EHBP1: variants seen among roughly 807,000 people sequenced by gnomAD.
The protein encoded by EHBP1 is EH domain binding protein 1.
A neutral mutation model predicts 144.0 loss-of-function variants in EHBP1; 55 were observed. That is an observed-to-expected ratio of 0.38 (90% confidence interval 0.31 to 0.48). The LOEUF is 0.48. Ranked by LOEUF, EHBP1 falls within the 20% of genes least tolerant of loss-of-function variation. EHBP1 has a pLI of 0.98. For synonymous variants in EHBP1, 469 were observed against 472.7 expected (o/e 0.99, Z 0.10); for missense variants, 1,200 against 1,364.2 (o/e 0.88, Z 1.90).
chr2:62,709,319 G>A (rs35499742), intron 2 of EHBP1, among the ~76,000 whole-genome samples: 20,152 of 152,036 alleles, frequency 0.13, 1,682 homozygotes, highest in Middle Eastern at 0.24. Context: ...AAGCTTTTGT[G>A]TTGGAAATTT....
intron 16 of EHBP1, among the ~76,000 whole-genome samples, chr2:62,992,908 T>C (rs2059469730): frequency 6.6e-6 from 1 of 152,214 alleles, no homozygotes; most frequent in Non-Finnish European, 1.5e-5. Flanking sequence ...ATGAAATATT[T>C]GTTTGGTACA....
At chr2:62,833,470 T>C (rs2046971087) in intron 7 of EHBP1, among the ~76,000 whole-genome samples, 1 of 152,204 alleles carries the variant, frequency 6.6e-6, no homozygotes, top group South Asian at 2.1e-4. Flanking sequence ...ACACCTGGCT[T>C]CAGAGCCTCT....
At chr2:62,739,092 T>A (rs1343237003) in intron 2 of EHBP1, among the ~76,000 whole-genome samples, 4 of 152,238 alleles carry the variant, frequency 2.6e-5, no homozygotes, top group Admixed American at 2.6e-4. Context: ...TCTTAACTAT[T>A]CGTTACATTG....
chr2:62,686,896 CCAA>C (rs1333526069), intron 1 of EHBP1, among the ~76,000 whole-genome samples: 7 of 152,122 alleles, frequency 4.6e-5, no homozygotes, highest in Non-Finnish European at 1.0e-4. Flanking sequence ...TTACTATGTA[CCAA>C]CAAGTGTTCT....
intron 7 of EHBP1, among the ~76,000 whole-genome samples, chr2:62,853,805 C>T (rs142952478): frequency 1.3e-5 from 2 of 152,168 alleles, no homozygotes; most frequent in African/African-American, 2.4e-5. Context: ...AGCTCTTGGG[C>T]GACCTGGTGC....
chr2:62,858,813 A>G (rs2049281241), intron 7 of EHBP1, among the ~76,000 whole-genome samples: 1 of 152,176 alleles, frequency 6.6e-6, no homozygotes, highest in African/African-American at 2.4e-5. Flanking sequence ...TTTTTAGAAT[A>G]TTTGCTTATC....
intron 10 of EHBP1, among the ~76,000 whole-genome samples, chr2:62,909,750 TTTTG>T (rs764733986): frequency 1.2e-4 from 18 of 152,182 alleles, no homozygotes; most frequent in African/African-American, 2.4e-4. Context: ...ATTTTTTTAT[TTTTG>T]TTTGTTTGTT....
In EHBP1 at chr2:62,773,850, C is replaced by CAAAAAA. The variant is rs570715468; in HGVS notation, c.312+2488_312+2493dup. On this transcript the variant is annotated intron_variant, in intron 5 of 22. Transcript: ENST00000431489. Reference sequence around the variant, plus strand: ...TAGGTGATACAGCAAGACTCCATCTCAAAAAAAAAAAAAAAAAAAAAAAAA... The same window carrying CAAAAAA: ...TAGGTGATACAGCAAGACTCCATCTCAAAAAAAAAAAAAAAAAAAAAAAAAAAAAAA... 4.5e-3 allele frequency among the ~76,000 whole-genome samples: 189 copies of CAAAAAA among 41,546 alleles called. 6 individuals are homozygous for CAAAAAA. Among genetic ancestry groups the CAAAAAA allele is most frequent in the Middle Eastern group, 0.014 (1 of 74 alleles). 27.3% of individuals were successfully genotyped at this position (41,546 alleles called of 152,430 possible).
At chr2:62,819,533 A>T (rs1384532856) in intron 5 of EHBP1, among the ~76,000 whole-genome samples, 1 of 152,160 alleles carries the variant, frequency 6.6e-6, no homozygotes, top group Admixed American at 6.5e-5. Context: ...AGGCAAGCAG[A>T]TCACCTGAGG....
intron 4 of EHBP1, among the ~76,000 whole-genome samples, chr2:62,768,737 TTGA>T (rs2041393208): frequency 6.6e-6 from 1 of 152,200 alleles, no homozygotes; most frequent in Non-Finnish European, 1.5e-5. Flanking sequence ...GCCAATATCC[TTGA>T]TGAACATCGA....
chr2:62,979,170 C>T lies in EHBP1; in HGVS notation c.2461-18C>T. 4 of 1,595,048 alleles carry T rather than the reference C, an allele frequency of 2.5e-6. No homozygotes were observed. Among genetic ancestry groups the T allele is most frequent in the East Asian group, 2.2e-5 (1 of 44,620 alleles). ...TTTCTGTCAATTACTGAGTTGGCAA[C>T]TGTTCAATATATCTTAGCAGCAAGA... is the stretch of plus-strand genomic sequence containing the variant. On this transcript the variant is annotated intron_variant, in intron 14 of 22. Transcript: ENST00000431489.
rs771583735 is a variant in EHBP1, at chr2:62,826,102, C to G, written c.328C>G (p.Arg110Gly). 1 of 1,480,280 alleles carries G rather than the reference C, an allele frequency of 6.8e-7. No individual in the cohort carries two copies. Among genetic ancestry groups the G allele is most frequent in the East Asian group, 2.6e-5 (1 of 39,054 alleles). The allele number at this position is 1,480,280 out of a possible 1,614,324, so 91.7% of individuals were successfully genotyped here. Reference protein sequence around the residue: ...FVIENESPSGRRKALATSSIN... With the variant: ...FVIENESPSGGRKALATSSIN... Reference sequence around the variant, plus strand: ...AATCTTCCAGGAATCCCCTTCTGGTCGAAGGAAAGCTCTTGCTACTAGCAG... The same window carrying G: ...AATCTTCCAGGAATCCCCTTCTGGTGGAAGGAAAGCTCTTGCTACTAGCAG... Residue 110 changes from arginine (R) to glycine (G), a missense_variant, in exon 6 of 23, where the codon CGA (arginine) becomes GGA (glycine). By Grantham distance (125) the Arg-to-Gly change is moderately radical. Around this residue, in one of 6 missense-constraint regions of EHBP1, gnomAD observed 137 missense variants for 190.1 expected, o/e 0.72. Transcript: ENST00000431489.
rs541844011 is a variant in EHBP1, at chr2:62,915,642, AC to A, written c.1186-27075del. The stretch of plus-strand genomic sequence containing the variant: ...TGATATAACCATAATCAAAATACAA[AC>A]AGGATTTTTGAGGGGATGGTATCAA... On this transcript the variant is annotated intron_variant, in intron 10 of 22. Coordinates refer to ENST00000431489, the MANE Select transcript of EHBP1 (RefSeq NM_001142616.3). 8.8e-4 allele frequency among the ~76,000 whole-genome samples: 134 copies of A among 152,318 alleles called. 1 individual carries two copies. The South Asian group carries it at 0.026, about 30-fold the overall frequency.
intron 10 of EHBP1, among the ~76,000 whole-genome samples, chr2:62,896,682 A>T (rs1336539662): frequency 2.3e-5 from 3 of 132,466 alleles, no homozygotes; most frequent in South Asian, 4.7e-4. Flanking sequence ...GCCCATCTTT[A>T]AAAAAAAAAA....
intron 7 of EHBP1, among the ~76,000 whole-genome samples, chr2:62,848,053 G>GTATAAT (rs1208566509): frequency 2.0e-5 from 3 of 150,886 alleles, no homozygotes; most frequent in African/African-American, 7.3e-5. Flanking sequence ...AATGTATAAT[G>GTATAAT]GTACCATCAC....
At chr2:62,844,751 A>G (rs1356494944) in intron 7 of EHBP1, among the ~76,000 whole-genome samples, 7 of 152,328 alleles carry the variant, frequency 4.6e-5, no homozygotes, top group African/African-American at 1.7e-4. Flanking sequence ...AAGAGAACTC[A>G]GACATTATGA....
Position 62,706,987 on chromosome 2 carries a change from A to G in EHBP1, c.-205A>G, listed in dbSNP as rs1268344704. ...TCCCACTCATCCTGTCACGTATATC[A>G]TAGTGTTCTTGACTGGGCCATTCAT... On this transcript the variant is annotated 5_prime_UTR_variant, in exon 2 of 23. Transcript: ENST00000431489. 5 of 537,646 alleles carry G rather than the reference A, an allele frequency of 9.3e-6. No homozygotes were observed. The highest frequency in any genetic ancestry group is 1.9e-5 in the African/African-American group (1 of 52,392). The allele number at this position is 537,646 out of a possible 1,614,324, so 33.3% of individuals were successfully genotyped here. A position where few individuals can be genotyped will look rare whatever the true frequency, so the allele number is the denominator to read the frequency against.
Position 62,948,958 on chromosome 2 carries a change from T to A in EHBP1, c.2112T>A (p.Asn704Lys), listed in dbSNP as rs1410727054. The change falls in exon 13 of 23, where the codon AAT becomes AAA. Residue 704 changes from asparagine to lysine, a missense_variant. This residue lies in a region of EHBP1 where 543 missense variants were observed against 513.1 expected (regional missense o/e 1.06). Coordinates refer to ENST00000431489, the MANE Select transcript of EHBP1 (RefSeq NM_001142616.3). ...ACTTGGAGAAAGAAAAATTAGAGAA[T>A]TCCAGATCCTTAGAATGCAGATCAG... ...GSNLEKEKLE[N>K]SRSLECRSDP... The A allele has an allele frequency of 1.2e-6, 2 of 1,613,870 alleles. No individual in the cohort carries two copies. Among genetic ancestry groups the A allele is most frequent in the African/African-American group, 2.7e-5 (2 of 74,910 alleles).
chr2:62,676,891 T>G (rs1022995290), intron 1 of EHBP1, among the ~76,000 whole-genome samples: 3 of 152,172 alleles, frequency 2.0e-5, no homozygotes, highest in African/African-American at 7.2e-5. Context: ...CTTTGAAGGA[T>G]AGCCAGGTGT....
Sources: gnomAD v4.1 joint callset for allele counts (sites outside exome capture counted in the v4.1 genomes callset) on GRCh38, gnomAD v4.1.1 for gene constraint, gnomAD v4.1.1 regional missense constraint, MANE v1.5 for transcripts, NCBI Gene and HGNC (gene_info 2026-07-23, HGNC 2026-07-21) for gene names.